MACROD2: variants seen among roughly 807,000 people sequenced by gnomAD.
The protein encoded by MACROD2 is mono-ADP ribosylhydrolase 2, also known as ADP-ribose glycohydrolase MACROD2.
MACROD2 carries 36 observed loss-of-function variants against 70.4 expected under a neutral mutation model. The ratio of observed to expected loss-of-function variants is 0.51; its 90% CI spans 0.39 to 0.68. The LOEUF (loss-of-function observed/expected upper bound fraction) is 0.68, where lower values mean the gene tolerates loss of function less well. MACROD2 is among the 30% of genes least tolerant of loss of function. MACROD2 has a pLI of 0.00. For missense variants in MACROD2, 496 were observed against 538.4 expected (o/e 0.92, Z 0.78); for synonymous variants, 172 against 178.8 (o/e 0.96, Z 0.30).
At chr20:15,880,084 G>A (rs1037831707) in intron 9 of MACROD2, among the ~76,000 whole-genome samples, 6 of 151,982 alleles carry the variant, frequency 3.9e-5, no homozygotes, top group African/African-American at 7.2e-5. Flanking sequence ...AGTCTGCTCC[G>A]TACCCATTCA....
intron 12 of MACROD2, among the ~76,000 whole-genome samples, chr20:15,961,630 C>G (rs575875186): frequency 6.5e-4 from 99 of 152,276 alleles, no homozygotes; most frequent in African/African-American, 2.4e-3. Flanking sequence ...GCCACAAAAG[C>G]CTTTATCATT....
chr20:14,254,632 A>G (rs150646770), intron 3 of MACROD2, among the ~76,000 whole-genome samples: 1 of 152,274 alleles, frequency 6.6e-6, no homozygotes, highest in East Asian at 1.9e-4. Context: ...TCCACGAAAT[A>G]GTTTTTTACC....
At chr20:14,771,541 C>T (rs930598715) in intron 5 of MACROD2, among the ~76,000 whole-genome samples, 2 of 151,588 alleles carry the variant, frequency 1.3e-5, no homozygotes, top group African/African-American at 4.9e-5. Context: ...ATGTGTGTGA[C>T]ACATTTTGTA....
intron 3 of MACROD2, among the ~76,000 whole-genome samples, chr20:14,449,796 C>G (rs939189813): frequency 6.6e-6 from 1 of 152,102 alleles, no homozygotes; most frequent in Admixed American, 6.5e-5. Context: ...TAGTAGTTAT[C>G]AGAATCAGCA....
intron 2 of MACROD2, chr20:14,051,756 A>G (rs1231025878): frequency 2.3e-6 from 1 of 439,532 alleles, no homozygotes; most frequent in Non-Finnish European, 4.5e-6. Flanking sequence ...TGAGATTAGG[A>G]ATTGATTAGT....
At chr20:15,269,331 T>G (rs1183703106) in intron 6 of MACROD2, among the ~76,000 whole-genome samples, 2 of 152,224 alleles carry the variant, frequency 1.3e-5, no homozygotes, top group Admixed American at 1.3e-4. Context: ...AGGTTTTCCC[T>G]TAGTACTTGA....
At chr20:15,168,339 A>G (rs2076399539) in intron 5 of MACROD2, among the ~76,000 whole-genome samples, 1 of 151,988 alleles carries the variant, frequency 6.6e-6, no homozygotes, top group South Asian at 2.1e-4. Flanking sequence ...AGGGCATTCT[A>G]GGATCCTAGG....
chr20:14,019,657 T>A (rs866060502), intron 2 of MACROD2, among the ~76,000 whole-genome samples: 14 of 151,692 alleles, frequency 9.2e-5, no homozygotes, highest in South Asian at 2.1e-4. Context: ...AATATAGGGG[T>A]GTGGAAAATG....
intron 15 of MACROD2, among the ~76,000 whole-genome samples, chr20:16,035,965 C>G (rs2067229741): frequency 6.6e-6 from 1 of 151,972 alleles, no homozygotes; most frequent in Admixed American, 6.6e-5. Flanking sequence ...AGCCCAGCAT[C>G]AAGAGAGAGT....
At chr20:14,790,661 AC>A (rs1568797576) in intron 5 of MACROD2, among the ~76,000 whole-genome samples, 1 of 152,064 alleles carries the variant, frequency 6.6e-6, no homozygotes, top group Non-Finnish European at 1.5e-5. Context: ...GCATCCCCTT[AC>A]CTTGCTCATA....
intron 4 of MACROD2, among the ~76,000 whole-genome samples, chr20:14,650,072 C>CTTCT (rs1985602896): frequency 6.6e-6 from 1 of 152,146 alleles, no homozygotes; most frequent in African/African-American, 2.4e-5. Flanking sequence ...TTTGTAACCT[C>CTTCT]TTAACAGTTC....
rs139581539 is a variant in MACROD2 at position 15,643,584 on chromosome 20, C to T, written c.645+143737C>T. On this transcript the variant is annotated intron_variant, in intron 8 of 17. Coordinates refer to ENST00000684519, the MANE Select transcript of MACROD2 (RefSeq NM_001351661.2). ...GTCTGAGCCTTATAGTCTTATTCAC[C>T]TGTGTGTTCTCAATGCCAAGGAGAA... 5.3e-3 allele frequency among the ~76,000 whole-genome samples: 800 copies of T among 152,208 alleles called. 7 individuals carry two copies. The highest frequency in any genetic ancestry group is 0.019 in the African/African-American group (770 of 41,518).
chr20:14,339,327 G>T (rs1306139459), intron 3 of MACROD2, among the ~76,000 whole-genome samples: 1 of 152,156 alleles, frequency 6.6e-6, no homozygotes, highest in Non-Finnish European at 1.5e-5. Context: ...GAACTGCTAG[G>T]TAGTACAATT....
At chr20:15,206,721 G>GTTGTTTT (rs2076707122) in intron 5 of MACROD2, among the ~76,000 whole-genome samples, 10 of 33,000 alleles carry the variant, frequency 3.0e-4, no homozygotes, top group African/African-American at 1.5e-3. Context: ...TATTATCTAT[G>GTTGTTTT]TTTTTTTTTT....
chr20:14,245,557 A>C (rs1250009709), intron 3 of MACROD2, among the ~76,000 whole-genome samples: 1 of 152,148 alleles, frequency 6.6e-6, no homozygotes, highest in Non-Finnish European at 1.5e-5. Flanking sequence ...GGTCTGAGGA[A>C]CTCCCAATCC....
rs2076160635 is a variant in MACROD2, at chr20:15,137,700, A to G, written c.419-92240A>G. On this transcript the variant is annotated intron_variant, in intron 5 of 17. Transcript: ENST00000684519. ...TTTGTGCACATGTACCCTAAAACTT[A>G]AAGTATAATAATAATAAAAAAAAAT... is the stretch of plus-strand genomic sequence containing the variant. 2.0e-5 allele frequency among the ~76,000 whole-genome samples: 3 copies of G among 152,170 alleles called. No homozygotes were observed. In the East Asian group the frequency reaches 5.8e-4, roughly 29 times the overall value.
In MACROD2 at chr20:16,050,092, G is replaced by A; in HGVS notation, c.*216G>A. The stretch of plus-strand genomic sequence containing the variant: ...AAAGTTTCCTTTAATTTGGTGGAGG[G>A]ACCCATGTTGACGCATCTTTCAGGC... On this transcript the variant is annotated 3_prime_UTR_variant, in exon 18 of 18. Coordinates refer to ENST00000684519, the MANE Select transcript of MACROD2 (RefSeq NM_001351661.2). 1 of 442,696 alleles carries A rather than the reference G, an allele frequency of 2.3e-6. No individual in the cohort carries two copies. The highest frequency in any genetic ancestry group is 4.1e-6 in the Non-Finnish European group (1 of 244,718). The allele number at this position is 442,696 out of a possible 1,614,324, so 27.4% of individuals were successfully genotyped here. A position where few individuals can be genotyped will look rare whatever the true frequency, so the allele number is the denominator to read the frequency against.
At chr20:14,991,848 A>G (rs1311415440) in intron 5 of MACROD2, among the ~76,000 whole-genome samples, 2 of 152,182 alleles carry the variant, frequency 1.3e-5, no homozygotes, top group Non-Finnish European at 2.9e-5. Flanking sequence ...ACAGGTACAT[A>G]GTGTGAATTT....
intron 4 of MACROD2, among the ~76,000 whole-genome samples, chr20:14,584,898 G>T (rs563313728): frequency 4.0e-4 from 61 of 152,254 alleles, no homozygotes; most frequent in African/African-American, 1.4e-3. Context: ...TTGAATGATC[G>T]AATGAATGAT....
Sources: allele counts gnomAD v4.1 joint callset (sites outside exome capture counted in the v4.1 genomes callset), GRCh38; gene constraint gnomAD v4.1.1; transcripts MANE v1.5; gene names NCBI Gene and HGNC (gene_info 2026-07-23, HGNC 2026-07-21).